FBLN2: variants seen among roughly 807,000 people sequenced by gnomAD.
The protein encoded by FBLN2 is fibulin-2.
In FBLN2, 81 loss-of-function variants were observed where a neutral mutation model predicts 123.7. The ratio of observed to expected loss-of-function variants is 0.65; its 90% CI spans 0.55 to 0.79. The LOEUF is 0.79. Ranked by LOEUF, FBLN2 falls within the 30% of genes least tolerant of loss-of-function variation. The probability of loss-of-function intolerance (pLI) is 0.00; values close to 1 mark genes in which losing one functional copy is unlikely to be tolerated. For missense variants in FBLN2, 1,603 were observed against 1,681.3 expected, an observed-to-expected ratio of 0.95 and a Z score of 0.81; for synonymous variants, 699 against 701.4, an observed-to-expected ratio of 1.00 and a Z score of 0.05.
At chr3:13,599,624 GGGTGGTGGAGGAGGA>G (rs1704957708) in intron 2 of FBLN2, among the ~76,000 whole-genome samples, 1 of 152,200 alleles carries the variant, frequency 6.6e-6, no homozygotes, top group South Asian at 2.1e-4. Context: ...GGGCAGGAGG[GGGTGGTGGAGGAGGA>G]GGTGGCTGGT....
chr3:13,595,506 C>T (rs1288608281), intron 2 of FBLN2, among the ~76,000 whole-genome samples: 1 of 152,198 alleles, frequency 6.6e-6, no homozygotes. Flanking sequence ...CTCCACAGAC[C>T]TTCAGGTAAC....
At chr3:13,606,639 TA>T (rs1705213009) in intron 2 of FBLN2, among the ~76,000 whole-genome samples, 2 of 149,892 alleles carry the variant, frequency 1.3e-5, no homozygotes, top group Non-Finnish European at 3.0e-5. Flanking sequence ...TTTTATATGT[TA>T]TATATATTAT....
At chr3:13,563,729 C>A (rs1703670926) in intron 1 of FBLN2, among the ~76,000 whole-genome samples, 1 of 152,242 alleles carries the variant, frequency 6.6e-6, no homozygotes, top group South Asian at 2.1e-4. Flanking sequence ...AGCTGACCTA[C>A]TGAGGCCAAC....
chr3:13,554,244 C>T (rs1380163033), intron 1 of FBLN2, among the ~76,000 whole-genome samples: 3 of 152,178 alleles, frequency 2.0e-5, no homozygotes, highest in South Asian at 2.1e-4. Flanking sequence ...CTGTGTCTCC[C>T]GTGGCTTCTG....
chr3:13,633,263 C>T (rs1368207793), intron 16 of FBLN2, among the ~76,000 whole-genome samples: 4 of 152,264 alleles, frequency 2.6e-5, no homozygotes, highest in East Asian at 1.9e-4. Context: ...CCCGCCACCC[C>T]GTCTCTGCAT....
rs138229171 is a variant in FBLN2 at position 13,574,069 on chromosome 3, C to T, written c.1306+2408C>T. 9.1e-3 allele frequency among the ~76,000 whole-genome samples: 1,385 copies of T among 152,260 alleles called. 13 individuals are homozygous for T. The highest frequency in any genetic ancestry group is 0.037 in the South Asian group (180 of 4,816). Reference sequence around the variant, plus strand: ...TAAGAGGGCTGTTGTGAGGACTACGCGGCTCAGCAATCACAGAGCGCCGAG... The same window carrying T: ...TAAGAGGGCTGTTGTGAGGACTACGTGGCTCAGCAATCACAGAGCGCCGAG... On this transcript the variant is annotated intron_variant, in intron 2 of 17. Coordinates refer to ENST00000404922, the MANE Select transcript of FBLN2 (RefSeq NM_001004019.2).
chr3:13,617,904 A>G (rs1049966710), intron 5 of FBLN2, among the ~76,000 whole-genome samples, 172 bp from the exon 6 acceptor site: 4 of 147,978 alleles, frequency 2.7e-5, no homozygotes, highest in Non-Finnish European at 4.5e-5. Flanking sequence ...CCATCCATCT[A>G]TCCACCCATC....
rs1447790866 is a variant in FBLN2 at position 13,630,825 on chromosome 3, C to T, written c.3085+10C>T. On this transcript the variant is annotated intron_variant, in intron 15 of 17. Coordinates refer to ENST00000404922, the MANE Select transcript of FBLN2 (RefSeq NM_001004019.2). ...GGGCACACCTGCACAGGTACCTCTCCCCTGTCCAAGGGCCCCCTTCCAGAG... is the reference window on the plus strand; with the variant it reads ...GGGCACACCTGCACAGGTACCTCTCTCCTGTCCAAGGGCCCCCTTCCAGAG... 6.3e-7 allele frequency: 1 copy of T among 1,580,222 alleles called. No homozygotes were observed. The highest frequency in any genetic ancestry group is 1.2e-5 in the South Asian group (1 of 86,790).
intron 4 of FBLN2, among the ~76,000 whole-genome samples, chr3:13,610,966 G>T (rs1453672225): frequency 2.0e-5 from 3 of 151,148 alleles, no homozygotes; most frequent in Non-Finnish European, 4.4e-5. Flanking sequence ...GGAGTGCAGT[G>T]GTACGATCTC....
At chr3:13,624,336 G>A (rs79336732) in intron 9 of FBLN2, among the ~76,000 whole-genome samples, 1,519 of 150,696 alleles carry the variant, frequency 0.01, 29 homozygotes, top group African/African-American at 0.035. Context: ...TGGTGCTGCT[G>A]TTGTTACCAT....
chr3:13,614,656 A>ATCCG (rs1705525900), intron 5 of FBLN2, among the ~76,000 whole-genome samples: 3 of 148,370 alleles, frequency 2.0e-5, no homozygotes, highest in African/African-American at 7.5e-5. Context: ...CCATCCATCC[A>ATCCG]TCCATCCATC....
chr3:13,556,560 G>C (rs1376281104), intron 1 of FBLN2, among the ~76,000 whole-genome samples: 1 of 152,218 alleles, frequency 6.6e-6, no homozygotes, highest in East Asian at 1.9e-4. Context: ...TAACAGACTG[G>C]TTTAATGAAC....
At chr3:13,604,440 C>G (rs529781525) in intron 2 of FBLN2, among the ~76,000 whole-genome samples, 1 of 152,210 alleles carries the variant, frequency 6.6e-6, no homozygotes, top group African/African-American at 2.4e-5. Flanking sequence ...CCAGTTTCAG[C>G]TTTCTACATA....
intron 1 of FBLN2, among the ~76,000 whole-genome samples, chr3:13,561,987 A>G (rs1208874850): frequency 6.6e-6 from 1 of 152,242 alleles, no homozygotes; most frequent in Non-Finnish European, 1.5e-5. Context: ...CTGGAAACTC[A>G]CAGTCCAGTG....
At chr3:13,607,240 C>A (rs1301267872) in intron 2 of FBLN2, among the ~76,000 whole-genome samples, 3 of 152,162 alleles carry the variant, frequency 2.0e-5, no homozygotes, top group Non-Finnish European at 4.4e-5. Context: ...CCCGCCTCAG[C>A]CTCTCAAAGT....
chr3:13,567,070 T>A (rs1703768902), intron 1 of FBLN2, among the ~76,000 whole-genome samples: 1 of 152,022 alleles, frequency 6.6e-6, no homozygotes, highest in African/African-American at 2.4e-5. Context: ...TGGGCAAGCC[T>A]GAGGTTTGGG....
intron 7 of FBLN2, among the ~76,000 whole-genome samples, 183 bp from the exon 8 acceptor site, chr3:13,619,547 A>ACGCCAGACGGTGTTGGAGCT (rs1485840017): frequency 1.5e-4 from 23 of 152,178 alleles, no homozygotes; most frequent in Non-Finnish European, 2.9e-5. Flanking sequence ...GTGTTGGAGC[A>ACGCCAGACGGTGTTGGAGCT]GACTTAATGG....
At chr3:13,579,740 C>T (rs933879938) in intron 2 of FBLN2, among the ~76,000 whole-genome samples, 2 of 152,316 alleles carry the variant, frequency 1.3e-5, no homozygotes, top group East Asian at 1.9e-4. Flanking sequence ...TCTTAAAAAG[C>T]GATGCTGCTG....
intron 5 of FBLN2, among the ~76,000 whole-genome samples, chr3:13,615,511 C>T (rs900792924): frequency 3.9e-5 from 6 of 152,216 alleles, no homozygotes; most frequent in Non-Finnish European, 7.3e-5. Context: ...AATCCTAGTT[C>T]CTTTGCTTAC....
Sources: gnomAD v4.1 joint callset for allele counts (sites outside exome capture counted in the v4.1 genomes callset) on GRCh38, gnomAD v4.1.1 for gene constraint, MANE v1.5 for transcripts, NCBI Gene and HGNC (gene_info 2026-07-23, HGNC 2026-07-21) for gene names.